SLC15A1: variants seen among roughly 807,000 people sequenced by gnomAD.
SLC15A1 encodes Caco-2 oligopeptide transporter.
In SLC15A1, 83 loss-of-function variants were observed where a neutral mutation model predicts 92.9. The ratio of observed to expected loss-of-function variants is 0.89; its 90% CI spans 0.75 to 1.07. SLC15A1 has a LOEUF of 1.07. Ranked by LOEUF, SLC15A1 falls within the 50% of genes least tolerant of loss-of-function variation. The pLI is 0.00. For missense variants in SLC15A1, 857 were observed against 880.1 expected (o/e 0.97, Z 0.33); for synonymous variants, 322 against 318.2 (o/e 1.01, Z -0.13).
chr13:98,702,170 T>G (rs1183390729), intron 18 of SLC15A1, among the ~76,000 whole-genome samples: 1 of 152,218 alleles, frequency 6.6e-6, no homozygotes, highest in Non-Finnish European at 1.5e-5. Flanking sequence ...TTTGTAGATG[T>G]CCTTTTTCAG....
chr13:98,732,974 G>C (rs1370744819), intron 1 of SLC15A1, among the ~76,000 whole-genome samples: 1 of 152,170 alleles, frequency 6.6e-6, no homozygotes, highest in Non-Finnish European at 1.5e-5. Flanking sequence ...TTGAGATAAA[G>C]AGTTTATCTT....
chr13:98,686,334 C>G (rs1308695138), intron 21 of SLC15A1, 37 bp from the exon 22 acceptor site: 1 of 1,431,504 alleles, frequency 7.0e-7, no homozygotes, highest in African/African-American at 1.4e-5. Context: ...TGCTCCAGGT[C>G]TCACCCTCCG....
chr13:98,746,855 G>A lies in SLC15A1; in HGVS notation c.4+5740C>T, dbSNP rs145545150. On this transcript the variant is annotated intron_variant, in intron 1 of 22. Transcript: ENST00000376503. The stretch of plus-strand genomic sequence containing the variant: ...GGAGCTTTGAGCAGTTTCCAGTCTA[G>A]GAACCAGGAGAGGAACTAGACCTTC... Among the ~76,000 whole-genome samples the A allele has an allele frequency of 5.3e-4, 80 of 152,270 alleles. 1 individual carries two copies. Among genetic ancestry groups the A allele is most frequent in the African/African-American group, 1.8e-3 (75 of 41,548 alleles).
chr13:98,687,501 C>G (rs1400519912), intron 21 of SLC15A1, 80 bp downstream of exon 21: 4 of 1,500,872 alleles, frequency 2.7e-6, no homozygotes, highest in Non-Finnish European at 3.6e-6. Flanking sequence ...ATAGTTATCC[C>G]AGATTTAAAT....
chr13:98,724,916 C>G (rs1404242728), intron 4 of SLC15A1, among the ~76,000 whole-genome samples: 1 of 152,134 alleles, frequency 6.6e-6, no homozygotes, highest in Non-Finnish European at 1.5e-5. Flanking sequence ...GGTTATCTGT[C>G]TCCTGCAAAC....
chr13:98,741,842 T>C (rs72650327), intron 1 of SLC15A1, among the ~76,000 whole-genome samples: 3,663 of 152,162 alleles, frequency 0.024, 154 homozygotes, highest in East Asian at 0.21. Context: ...AACATGCTGA[T>C]GTGTGGTTTT....
chr13:98,709,700 A>T, intron 13 of SLC15A1, 40 bp from the exon 14 acceptor site: 1 of 1,614,164 alleles, frequency 6.2e-7, no homozygotes, highest in South Asian at 1.1e-5. Context: ...GCTTGTCTCA[A>T]AGACGACTCT....
At position 98,719,294 on chromosome 13, in the gene SLC15A1, G is replaced by A. The variant is rs940785611; in HGVS notation, c.583C>T (p.Gln195Ter). The A allele has an allele frequency of 1.2e-6, 2 of 1,613,678 alleles. No individual in the cohort carries two copies. Among genetic ancestry groups the A allele is most frequent in the Non-Finnish European group, 1.7e-6 (2 of 1,179,748 alleles). ...CCAAAGGCCAGTGGGTAACAAGCTT[G>A]TTTACTGTGAATTCCACATTGTTGA... ...RVQQCGIHSKQACYPLAFGVP... is the reference protein window; with the variant it reads ...RVQQCGIHSK The change falls in exon 8 of 23, where the codon CAA becomes TAA. Residue 195 changes from glutamine (Q) to a stop codon, truncating the protein, a stop_gained. Coordinates refer to ENST00000376503, the MANE Select transcript of SLC15A1 (RefSeq NM_005073.4). LOFTEE classifies it high-confidence loss of function.
intron 17 of SLC15A1, 70 bp downstream of exon 17, chr13:98,704,219 A>G (rs2088092733): frequency 6.9e-7 from 1 of 1,459,276 alleles, no homozygotes; most frequent in Admixed American, 2.5e-5. Flanking sequence ...AAACAAAGTC[A>G]CACCATAAAA....
Position 98,713,864 on chromosome 13 carries a change from T to C in SLC15A1, c.724-1280A>G, listed in dbSNP as rs137990392. On this transcript the variant is annotated intron_variant, in intron 9 of 22. Coordinates refer to ENST00000376503, the MANE Select transcript of SLC15A1 (RefSeq NM_005073.4). ...GAGTTCAAGACCATCCTAGCCAACA[T>C]AGCAAAACCCTGTCTCTACTAAAAA... Among the ~76,000 whole-genome samples the C allele has an allele frequency of 3.6e-3, 547 of 152,156 alleles. 3 individuals carry two copies. The highest frequency in any genetic ancestry group is 5.8e-3 in the Non-Finnish European group (395 of 67,980).
At chr13:98,704,207 T>C in intron 17 of SLC15A1, 82 bp downstream of exon 17, 1 of 1,383,106 alleles carries the variant, frequency 7.2e-7, no homozygotes, top group Non-Finnish European at 9.7e-7. Flanking sequence ...TATATGGGAG[T>C]AAAACAAAGT....
rs530684986 is a variant in SLC15A1, at chr13:98,701,030, A to G, written c.1466+1450T>C. 4.6e-5 allele frequency among the ~76,000 whole-genome samples: 7 copies of G among 152,314 alleles called. No individual in the cohort carries two copies. The East Asian group carries it at 1.3e-3, about 29-fold the overall frequency. The stretch of plus-strand genomic sequence containing the variant: ...TATTCTAGTTCCTTTGCCTTTCCAT[A>G]TACATTTTAGAAGCAGCTTTTTTAT... On this transcript the variant is annotated intron_variant, in intron 18 of 22. Coordinates refer to ENST00000376503, the MANE Select transcript of SLC15A1 (RefSeq NM_005073.4).
chr13:98,741,613 A>G (rs1390602647), intron 1 of SLC15A1, among the ~76,000 whole-genome samples: 1 of 151,346 alleles, frequency 6.6e-6, no homozygotes, highest in African/African-American at 2.4e-5. Flanking sequence ...AATCCCAGCT[A>G]CTCAAGAGGC....
intron 9 of SLC15A1, among the ~76,000 whole-genome samples, chr13:98,713,907 C>A (rs999904238): frequency 1.3e-5 from 2 of 151,770 alleles, no homozygotes; most frequent in Admixed American, 6.6e-5. Context: ...ATTAGCTGGG[C>A]GTGGTAGTGT....
At chr13:98,695,744 G>T (rs1431820470) in intron 18 of SLC15A1, among the ~76,000 whole-genome samples, 1 of 151,946 alleles carries the variant, frequency 6.6e-6, no homozygotes, top group Non-Finnish European at 1.5e-5. Context: ...AGGTTCTCCT[G>T]AAGTTAATCA....
chr13:98,702,795 G>T (rs572529337), intron 17 of SLC15A1, among the ~76,000 whole-genome samples: 7 of 151,764 alleles, frequency 4.6e-5, no homozygotes, highest in Admixed American at 1.3e-4. Flanking sequence ...GTCTCTCTTA[G>T]AAATTAGCCA....
At chr13:98,715,794 TC>T in intron 9 of SLC15A1, 83 bp downstream of exon 9, 1 of 1,132,828 alleles carries the variant, frequency 8.8e-7, no homozygotes, top group Non-Finnish European at 1.3e-6. Context: ...TAAAGGAAAG[TC>T]AAAGCTTAAA....
At chr13:98,744,710 C>T (rs1305616697) in intron 1 of SLC15A1, among the ~76,000 whole-genome samples, 20 of 138,868 alleles carry the variant, frequency 1.4e-4, no homozygotes, top group Non-Finnish European at 2.6e-4. Context: ...GATCGCGCCA[C>T]TGCACTCCAG....
In SLC15A1 at chr13:98,685,036, T is replaced by G. The variant is rs2087919572; in HGVS notation, c.1936-121A>C. 6.3e-5 allele frequency: 58 copies of G among 916,570 alleles called. 1 individual carries two copies. The South Asian group carries it at 1.0e-3, about 16-fold the overall frequency. The allele number at this position is 916,570 out of a possible 1,614,324, so 56.8% of individuals were successfully genotyped here. On this transcript the variant is annotated intron_variant, in intron 22 of 22. Transcript: ENST00000376503. ...GATGGAGAGTGCTTTGAAATTAAAT[T>G]ATGGAAAATTGGTAAGCAACCAATA... is the stretch of plus-strand genomic sequence containing the variant.
Sources: allele counts gnomAD v4.1 joint callset (sites outside exome capture counted in the v4.1 genomes callset), GRCh38; gene constraint gnomAD v4.1.1; transcripts MANE v1.5; gene names NCBI Gene and HGNC (gene_info 2026-07-23, HGNC 2026-07-21).